TMCC1: variants seen among roughly 807,000 people sequenced by gnomAD.
TMCC1 encodes transmembrane and coiled-coil domains protein 1.
Under a neutral mutation model 52.4 loss-of-function variants are expected in TMCC1, and 15 were observed. That is an observed-to-expected ratio of 0.29 (90% confidence interval 0.19 to 0.44). The LOEUF (loss-of-function observed/expected upper bound fraction) is 0.44, where lower values mean the gene tolerates loss of function less well. Ranked by LOEUF, TMCC1 falls within the 20% of genes least tolerant of loss-of-function variation. The pLI is 1.00. For missense variants in TMCC1, 503 were observed against 806.0 expected (o/e 0.62, Z 4.55); for synonymous variants, 279 against 301.9 (o/e 0.92, Z 0.79).
At chr3:129,768,113 C>T (rs909281561) in intron 4 of TMCC1, among the ~76,000 whole-genome samples, 7 of 152,114 alleles carry the variant, frequency 4.6e-5, no homozygotes, top group Admixed American at 3.9e-4. Flanking sequence ...TGCCTGAGCC[C>T]GGGAGGTGGA....
intron 4 of TMCC1, among the ~76,000 whole-genome samples, chr3:129,698,308 C>T (rs2047561781): frequency 6.6e-6 from 1 of 152,086 alleles, no homozygotes. Context: ...TTTATAAAAC[C>T]ATCAGATCTC....
At chr3:129,699,662 G>A (rs1422777168) in intron 4 of TMCC1, among the ~76,000 whole-genome samples, 1 of 152,138 alleles carries the variant, frequency 6.6e-6, no homozygotes, top group East Asian at 1.9e-4. Context: ...CCTCTCTTGG[G>A]GTCTGGATTG....
At chr3:129,704,441 CAG>C (rs1228741867) in intron 4 of TMCC1, among the ~76,000 whole-genome samples, 1 of 152,146 alleles carries the variant, frequency 6.6e-6, no homozygotes, top group Non-Finnish European at 1.5e-5. Context: ...TTTTTTGAGA[CAG>C]AGTCTCACTC....
chr3:129,676,708 G>A (rs1186964560), intron 4 of TMCC1, among the ~76,000 whole-genome samples: 1 of 152,176 alleles, frequency 6.6e-6, no homozygotes, highest in Non-Finnish European at 1.5e-5. Context: ...AGAATAAGAA[G>A]ACCTAGGTTC....
intron 4 of TMCC1, among the ~76,000 whole-genome samples, chr3:129,702,213 C>T (rs370197152): frequency 1.0e-3 from 156 of 149,750 alleles, no homozygotes; most frequent in African/African-American, 3.4e-3. Flanking sequence ...CTACCAGTGC[C>T]GTTTAGAAAT....
intron 4 of TMCC1, among the ~76,000 whole-genome samples, chr3:129,804,397 C>T (rs2057350304): frequency 6.6e-6 from 1 of 152,146 alleles, no homozygotes; most frequent in South Asian, 2.1e-4. Context: ...TTACAGTCTA[C>T]CTTAGCCAAA....
chr3:129,875,531 C>T (rs373028559), intron 2 of TMCC1, among the ~76,000 whole-genome samples: 39 of 147,886 alleles, frequency 2.6e-4, no homozygotes, highest in African/African-American at 9.6e-4. Context: ...ACAAACACAC[C>T]CAAAAAAGAT....
At chr3:129,811,489 G>A (rs2107795254) in intron 4 of TMCC1, among the ~76,000 whole-genome samples, 1 of 152,000 alleles carries the variant, frequency 6.6e-6, no homozygotes, top group Non-Finnish European at 1.5e-5. Context: ...GGCTGGTCTT[G>A]AACTCCTGGC....
At chr3:129,774,204 A>G (rs980263340) in intron 4 of TMCC1, among the ~76,000 whole-genome samples, 4 of 152,196 alleles carry the variant, frequency 2.6e-5, no homozygotes, top group Non-Finnish European at 5.9e-5. Flanking sequence ...TTACATATAC[A>G]CTGCTGGGTC....
At chr3:129,816,984 T>C (rs2717249) in intron 4 of TMCC1, among the ~76,000 whole-genome samples, 149,994 of 152,156 alleles carry the variant, frequency 0.99, 73,970 homozygotes, top group East Asian at 1. Context: ...GCTATGACTG[T>C]ACCACTGCAC....
At chr3:129,688,231 C>G in intron 4 of TMCC1, 1 of 985,328 alleles carries the variant, frequency 1.0e-6, no homozygotes, top group South Asian at 4.7e-5. Flanking sequence ...GCTCATCCTT[C>G]ATTTGTGCAC....
At chr3:129,737,223 T>C (rs535227142) in intron 4 of TMCC1, among the ~76,000 whole-genome samples, 1 of 152,092 alleles carries the variant, frequency 6.6e-6, no homozygotes, top group East Asian at 1.9e-4. Flanking sequence ...TCCCAGCACT[T>C]TGGGAGGCTG....
At chr3:129,699,824 T>G (rs1414448839) in intron 4 of TMCC1, among the ~76,000 whole-genome samples, 2 of 152,116 alleles carry the variant, frequency 1.3e-5, no homozygotes, top group Non-Finnish European at 2.9e-5. Flanking sequence ...CTCAGCTACT[T>G]GGGGAGGCTT....
intron 4 of TMCC1, among the ~76,000 whole-genome samples, chr3:129,681,201 A>T (rs1236642749): frequency 1.3e-5 from 2 of 152,166 alleles, no homozygotes; most frequent in Non-Finnish European, 2.9e-5. Flanking sequence ...AGATGGGGTG[A>T]CTAAGAAGTT....
chr3:129,686,798 G>A (rs936264000), intron 4 of TMCC1, among the ~76,000 whole-genome samples: 2 of 152,188 alleles, frequency 1.3e-5, no homozygotes, highest in Non-Finnish European at 2.9e-5. Flanking sequence ...CATTTGAACT[G>A]AGTCCTCAAA....
intron 4 of TMCC1, among the ~76,000 whole-genome samples, chr3:129,825,058 C>T (rs555480855): frequency 6.6e-6 from 1 of 152,290 alleles, no homozygotes; most frequent in East Asian, 1.9e-4. Flanking sequence ...TAAATTATCA[C>T]CCCGGGGTTA....
intron 4 of TMCC1, among the ~76,000 whole-genome samples, chr3:129,800,464 G>T (rs187702778): frequency 6.6e-6 from 1 of 151,820 alleles, no homozygotes; most frequent in Admixed American, 6.6e-5. Context: ...AGTTCCAGTT[G>T]CTCTACATCC....
chr3:129,775,091 C>T (rs1420765855), intron 4 of TMCC1, among the ~76,000 whole-genome samples: 3 of 152,012 alleles, frequency 2.0e-5, no homozygotes, highest in African/African-American at 4.8e-5. Context: ...ACCTGCTACT[C>T]GAGAATATTT....
chr3:129,831,042 C>T (rs2058885851), intron 3 of TMCC1, among the ~76,000 whole-genome samples: 1 of 152,184 alleles, frequency 6.6e-6, no homozygotes, highest in Non-Finnish European at 1.5e-5. Context: ...TCAGGCAATT[C>T]TCCTGCCTCA....
Sources: allele counts gnomAD v4.1 joint callset (sites outside exome capture counted in the v4.1 genomes callset), GRCh38; gene constraint gnomAD v4.1.1; transcripts MANE v1.5; gene names NCBI Gene and HGNC (gene_info 2026-07-23, HGNC 2026-07-21).